SLC43A1: variants seen among roughly 807,000 people sequenced by gnomAD.
SLC43A1 encodes the protein solute carrier family 43 member 1.
SLC43A1 carries 31 observed loss-of-function variants against 59.5 expected under a neutral mutation model. That is an observed-to-expected ratio of 0.52 (90% CI 0.39 to 0.70). The LOEUF (loss-of-function observed/expected upper bound fraction) is 0.70. Ranked by LOEUF, SLC43A1 falls within the 30% of genes least tolerant of loss-of-function variation. SLC43A1 has a pLI of 0.00. For synonymous variants in SLC43A1, 259 were observed against 290.9 expected (o/e 0.89, Z 1.12); for missense variants, 598 against 717.8 (o/e 0.83, Z 1.91).
chr11:57,509,524 G>A (rs1223636495), intron 2 of SLC43A1, among the ~76,000 whole-genome samples: 1 of 151,664 alleles, frequency 6.6e-6, no homozygotes, highest in Non-Finnish European at 1.5e-5. Flanking sequence ...GGAGGCAGAG[G>A]TTGCAGTGAG....
Position 57,514,020 on chromosome 11 carries a change from A to G in SLC43A1, c.92T>C (p.Leu31Pro). ...AATGATCAACAGGGAGCCCCAGCCCAGGAGTACAGCAGAGAAGAAGAGGTT... is the reference window on the plus strand; with the variant it reads ...AATGATCAACAGGGAGCCCCAGCCCGGGAGTACAGCAGAGAAGAAGAGGTT... ...LENLFFSAVLLGWGSLLIILK... is the reference protein window; with the variant it reads ...LENLFFSAVLPGWGSLLIILK... The change falls in exon 2 of 15, where the codon CTG (leucine) becomes CCG (proline). Residue 31 changes from leucine to proline, a missense_variant. Physicochemically the swap from Leu to Pro is moderately conservative, Grantham distance 98 (BLOSUM62 -3). Transcript: ENST00000278426. The surrounding 1 kb of genome is among the most constrained non-coding windows in gnomAD (Gnocchi z 5.5). 6.7e-7 allele frequency: 1 copy of G among 1,493,860 alleles called. No homozygotes were observed. The highest frequency in any genetic ancestry group is 1.8e-5 in the Admixed American group (1 of 55,286). 92.5% of individuals were successfully genotyped at this position (1,493,860 alleles called of 1,614,324 possible).
intron 2 of SLC43A1, among the ~76,000 whole-genome samples, chr11:57,501,874 G>A (rs1245613937): frequency 1.3e-5 from 2 of 152,180 alleles, no homozygotes; most frequent in Non-Finnish European, 2.9e-5. Flanking sequence ...CTAAAACTTA[G>A]AGGAAGCTTT....
rs1943673855 is a variant in SLC43A1, at chr11:57,484,546, C to G, written c.*550G>C. The G allele has an allele frequency of 6.6e-6, 1 of 152,268 alleles. No homozygotes were observed. The highest frequency in any genetic ancestry group is 1.5e-5 in the Non-Finnish European group (1 of 68,068). 9.4% of individuals were successfully genotyped at this position (152,268 alleles called of 1,614,324 possible). A position where few individuals can be genotyped will look rare whatever the true frequency, so the allele number is the denominator to read the frequency against. On this transcript the variant is annotated 3_prime_UTR_variant, in exon 15 of 15. Coordinates refer to ENST00000278426, the MANE Select transcript of SLC43A1 (RefSeq NM_003627.6). ...GCACACCAGCCAGTCTCTCACTTCC[C>G]TTTTTATTTCCTCTAAGACTTGCAA...
At chr11:57,494,230 G>T in intron 7 of SLC43A1, 59 bp from the exon 8 acceptor site, 1 of 1,535,172 alleles carries the variant, frequency 6.5e-7, no homozygotes, top group Non-Finnish European at 8.8e-7. Context: ...ACCTTCAACG[G>T]CCTAGTGCTC....
At chr11:57,488,052 T>C (rs1352284841) in intron 13 of SLC43A1, among the ~76,000 whole-genome samples, 1 of 152,084 alleles carries the variant, frequency 6.6e-6, no homozygotes, top group Non-Finnish European at 1.5e-5. Context: ...CTGAGACAGA[T>C]GAGACAGGAC....
At chr11:57,502,248 G>C (rs933387378) in intron 2 of SLC43A1, among the ~76,000 whole-genome samples, 4 of 152,248 alleles carry the variant, frequency 2.6e-5, no homozygotes, top group Non-Finnish European at 5.9e-5. Context: ...GGCAAACTCA[G>C]GGTGCACCTG....
intron 8 of SLC43A1, among the ~76,000 whole-genome samples, chr11:57,492,389 ACCAG>A: frequency 9.1e-6 from 1 of 110,148 alleles, no homozygotes; most frequent in Non-Finnish European, 1.9e-5. Context: ...GGAGTTCAAG[ACCAG>A]CCTGGTGGTC....
intron 2 of SLC43A1, among the ~76,000 whole-genome samples, chr11:57,504,064 G>A (rs1944335728): frequency 6.6e-6 from 1 of 152,116 alleles, no homozygotes; most frequent in Non-Finnish European, 1.5e-5. Flanking sequence ...GGGCGTGGTG[G>A]TGGGCGCCCG....
chr11:57,497,046 C>A (rs1944109612), intron 6 of SLC43A1, among the ~76,000 whole-genome samples: 2 of 152,134 alleles, frequency 1.3e-5, no homozygotes, highest in African/African-American at 4.8e-5. Flanking sequence ...TCCATGCCTG[C>A]CCACCAGAAC....
Position 57,500,824 on chromosome 11 carries a change from G to T in SLC43A1, c.420C>A (p.Ser140=). Residue 140 remains serine, a synonymous_variant, in exon 5 of 15, where the codon TCC becomes TCA. Coordinates refer to ENST00000278426, the MANE Select transcript of SLC43A1 (RefSeq NM_003627.6). Reference sequence around the variant, plus strand: ...GGCAGATGCCACCAAAGCCATTCAGGGACAGCGCCAGGAATATCAACGGAG... The same window carrying T: ...GGCAGATGCCACCAAAGCCATTCAGTGACAGCGCCAGGAATATCAACGGAG... The part of the protein sequence containing the change: ...ALSPLIFLAL[S]LNGFGGICLT... 1 of 1,614,226 alleles carries T rather than the reference G, an allele frequency of 6.2e-7. No individual in the cohort carries two copies. Among genetic ancestry groups the T allele is most frequent in the South Asian group, 1.1e-5 (1 of 91,092 alleles).
At chr11:57,490,118 C>T (rs1434140940) in intron 11 of SLC43A1, among the ~76,000 whole-genome samples, 1 of 152,164 alleles carries the variant, frequency 6.6e-6, no homozygotes, top group Non-Finnish European at 1.5e-5. Context: ...TTAGGATAAA[C>T]AGGGACTGTT....
chr11:57,491,477 T>TA, intron 10 of SLC43A1, 114 bp downstream of exon 10: 1 of 1,573,892 alleles, frequency 6.4e-7, no homozygotes, highest in Admixed American at 1.8e-5. Context: ...CCCAGACTCT[T>TA]ACATCCCACA....
At position 57,514,780 on chromosome 11, in the gene SLC43A1, C is replaced by T; in HGVS notation, c.-13-656G>A. The stretch of plus-strand genomic sequence containing the variant: ...TCCTCCCCCGCGCGCCCCTCACTCA[C>T]TCCGCAGGGCTCGGGGCACCAGGCT... On this transcript the variant is annotated intron_variant, in intron 1 of 14. Coordinates refer to ENST00000278426, the MANE Select transcript of SLC43A1 (RefSeq NM_003627.6). The surrounding 1 kb of genome is among the most constrained non-coding windows in gnomAD (Gnocchi z 5.5). 6.1e-6 allele frequency: 6 copies of T among 983,660 alleles called. No homozygotes were observed. The South Asian group carries it at 2.8e-4, about 46-fold the overall frequency. 60.9% of individuals were successfully genotyped at this position (983,660 alleles called of 1,614,324 possible).
chr11:57,514,050 A>C lies in SLC43A1; in HGVS notation c.62T>G (p.Leu21Arg). Residue 21 changes from leucine (L) to arginine (R), a missense_variant, in exon 2 of 15, where the codon CTG becomes CGG. Coordinates refer to ENST00000278426, the MANE Select transcript of SLC43A1 (RefSeq NM_003627.6). The surrounding 1 kb of genome is among the most constrained non-coding windows in gnomAD (Gnocchi z 5.5). ...TACAGCAGAGAAGAAGAGGTTCTCC[A>C]GCACAGCCGTGCAGGCCATCCACCA... ...RRWWMACTAV[L>R]ENLFFSAVLL... The C allele has an allele frequency of 6.2e-7, 1 of 1,608,592 alleles. No individual in the cohort carries two copies. Among genetic ancestry groups the C allele is most frequent in the East Asian group, 2.2e-5 (1 of 44,674 alleles).
intron 5 of SLC43A1, among the ~76,000 whole-genome samples, chr11:57,500,058 A>G (rs527975784): frequency 6.6e-6 from 1 of 152,312 alleles, no homozygotes. Context: ...CAGCCCGGCC[A>G]GGAACCTTCC....
chr11:57,489,182 G>A (rs993279780), intron 12 of SLC43A1, 69 bp downstream of exon 12: 48 of 1,580,698 alleles, frequency 3.0e-5, no homozygotes, highest in Non-Finnish European at 4.1e-5. Flanking sequence ...TGGAAGGCAG[G>A]TGCTGGATGG....
chr11:57,511,187 G>A (rs563751940), intron 2 of SLC43A1, among the ~76,000 whole-genome samples: 1 of 152,230 alleles, frequency 6.6e-6, no homozygotes, highest in Non-Finnish European at 1.5e-5. Context: ...ACTTTGGGAG[G>A]CCCAGGAGGG....
chr11:57,501,111 C>T (rs374221803), intron 3 of SLC43A1, 41 bp downstream of exon 3: 24 of 1,612,206 alleles, frequency 1.5e-5, no homozygotes, highest in Middle Eastern at 3.3e-4. Context: ...CCCTGCAGCA[C>T]GGTCCCTGTC....
Position 57,501,344 on chromosome 11 carries a change from G to A in SLC43A1, c.155-15C>T, listed in dbSNP as rs369230746. ...GCTGCTCTCAGCTGAGGAGGGGGAAGGGAGGGCTCAGCACATGACACCAGG... is the reference window on the plus strand; with the variant it reads ...GCTGCTCTCAGCTGAGGAGGGGGAAAGGAGGGCTCAGCACATGACACCAGG... On this transcript the variant is annotated splice_polypyrimidine_tract_variant and intron_variant, in intron 2 of 14. Coordinates refer to ENST00000278426, the MANE Select transcript of SLC43A1 (RefSeq NM_003627.6). 1.2e-6 allele frequency: 2 copies of A among 1,605,148 alleles called. No individual in the cohort carries two copies. Among genetic ancestry groups the A allele is most frequent in the Non-Finnish European group, 1.7e-6 (2 of 1,179,638 alleles).
Sources: gnomAD v4.1 joint callset for allele counts (sites outside exome capture counted in the v4.1 genomes callset) on GRCh38, gnomAD v4.1.1 for gene constraint, Gnocchi (gnomAD v3.1) non-coding constraint, MANE v1.5 for transcripts, NCBI Gene and HGNC (gene_info 2026-07-23, HGNC 2026-07-21) for gene names.